The following BCAS3 variants were observed in gnomAD, a reference collection of about 807,000 sequenced individuals.
The protein encoded by BCAS3 is BCAS4/BCAS3 fusion.
In BCAS3, 53 loss-of-function variants were observed where a neutral mutation model predicts 116.1. The observed-to-expected ratio is 0.46, with a 90% confidence interval of 0.37 to 0.57. The LOEUF (loss-of-function observed/expected upper bound fraction) is 0.57, where lower values mean the gene tolerates loss of function less well. Among genes scored for constraint, BCAS3 ranks in the 20% least tolerant of loss-of-function variants. The pLI is 0.00. For missense variants in BCAS3, 917 were observed against 1,165.4 expected, an observed-to-expected ratio of 0.79 and a Z score of 3.10; for synonymous variants, 391 against 408.2, an observed-to-expected ratio of 0.96 and a Z score of 0.51.
intron 6 of BCAS3, among the ~76,000 whole-genome samples, chr17:60,776,449 G>T (rs535378856): frequency 1.3e-5 from 2 of 152,084 alleles, no homozygotes; most frequent in African/African-American, 2.4e-5. Flanking sequence ...GGCTGTGCGC[G>T]GTGGCTCACG....
chr17:61,289,238 G>T (rs1190750225), intron 22 of BCAS3, among the ~76,000 whole-genome samples: 1 of 152,244 alleles, frequency 6.6e-6, no homozygotes, highest in East Asian at 1.9e-4. Flanking sequence ...GAGTGGCGGG[G>T]TGTGGTGGGG....
intron 4 of BCAS3, among the ~76,000 whole-genome samples, chr17:60,695,825 C>A (rs2035520433): frequency 6.6e-6 from 1 of 152,124 alleles, no homozygotes; most frequent in African/African-American, 2.4e-5. Flanking sequence ...TCTTGAACTA[C>A]TGGCCTCAAG....
intron 5 of BCAS3, among the ~76,000 whole-genome samples, chr17:60,746,521 C>T (rs926255902): frequency 6.6e-6 from 1 of 152,036 alleles, no homozygotes; most frequent in African/African-American, 2.4e-5. Flanking sequence ...CTTGGATATT[C>T]ATAATGTTTG....
At position 61,354,293 on chromosome 17, in the gene BCAS3, A is replaced by G. The variant is rs1447564026; in HGVS notation, c.2426-14034A>G. 2 of 152,242 alleles carry G rather than the reference A, an allele frequency of 1.3e-5. No individual in the cohort carries two copies. The highest frequency in any genetic ancestry group is 4.8e-5 in the African/African-American group (2 of 41,460). 9.4% of individuals were successfully genotyped at this position (152,242 alleles called of 1,614,324 possible). A position where few individuals can be genotyped will look rare whatever the true frequency, so the allele number is the denominator to read the frequency against. ...TCCCACAACCAAAAGGAAAGAGAGA[A>G]TTATGAGAAAAATATGTACTTATTC... On this transcript the variant is annotated intron_variant, in intron 22 of 23. Transcript: ENST00000407086. This position sits in a 1 kb window ranked among gnomAD's most constrained non-coding sequence, Gnocchi z 4.5.
At position 60,767,412 on chromosome 17, in the gene BCAS3, T is replaced by A. The variant is rs528074303; in HGVS notation, c.403+20133T>A. 1.5e-3 allele frequency among the ~76,000 whole-genome samples: 223 copies of A among 144,980 alleles called. 1 individual carries two copies. Among genetic ancestry groups the A allele is most frequent in the African/African-American group, 4.1e-3 (159 of 38,350 alleles). On this transcript the variant is annotated intron_variant, in intron 6 of 23. Transcript: ENST00000407086. ...CAGGCTGGAGTGCAGTGGCGTGATC[T>A]CGGCTCACTGCAACCTCTGCCTCCC...
intron 4 of BCAS3, among the ~76,000 whole-genome samples, chr17:60,701,806 A>T (rs1345092614): frequency 8.8e-6 from 1 of 113,352 alleles, no homozygotes; most frequent in African/African-American, 4.4e-5. Flanking sequence ...CTAAAAATAC[A>T]AAAAAAAAAA....
chr17:60,807,692 GA>G (rs2048405702), intron 6 of BCAS3, among the ~76,000 whole-genome samples: 2 of 151,458 alleles, frequency 1.3e-5, no homozygotes, highest in Non-Finnish European at 2.9e-5. Context: ...TGAGGCAGGA[GA>G]ATTGTTTGAA....
intron 23 of BCAS3, among the ~76,000 whole-genome samples, chr17:61,386,010 C>A (rs2059828654): frequency 2.0e-5 from 3 of 152,152 alleles, no homozygotes; most frequent in Admixed American, 6.5e-5. Flanking sequence ...ACCCTGTAGT[C>A]CTGTGGATCA....
intron 6 of BCAS3, among the ~76,000 whole-genome samples, chr17:60,795,981 C>T (rs1430593198): frequency 6.6e-6 from 1 of 152,152 alleles, no homozygotes; most frequent in Non-Finnish European, 1.5e-5. Flanking sequence ...TGAGCCACCA[C>T]TCCCTGCCGT....
At chr17:61,142,053 AT>A (rs2076952233) in intron 22 of BCAS3, among the ~76,000 whole-genome samples, 1 of 150,848 alleles carries the variant, frequency 6.6e-6, no homozygotes, top group Non-Finnish European at 1.5e-5. Flanking sequence ...ACACCTTCTC[AT>A]TTATTGGTGT....
At position 61,285,723 on chromosome 17, in the gene BCAS3, A is replaced by C. The variant is rs1452255089; in HGVS notation, c.2426-82604A>C. Among the ~76,000 whole-genome samples the C allele has an allele frequency of 6.6e-6, 1 of 152,188 alleles. No homozygotes were observed. ...ACTGAAGTACTGTGGGTGGCCGATAAGGCTTGTTTATCCAGGAGACAAGAG... is the reference window on the plus strand; with the variant it reads ...ACTGAAGTACTGTGGGTGGCCGATACGGCTTGTTTATCCAGGAGACAAGAG... On this transcript the variant is annotated intron_variant, in intron 22 of 23. Coordinates refer to ENST00000407086, the MANE Select transcript of BCAS3 (RefSeq NM_017679.5). This position sits in a 1 kb window ranked among gnomAD's most constrained non-coding sequence, Gnocchi z 5.4.
rs1808321855 is a variant in BCAS3 at position 61,227,438 on chromosome 17, T to A, written c.2426-140889T>A. On this transcript the variant is annotated intron_variant, in intron 22 of 23. Transcript: ENST00000407086. The surrounding 1 kb of genome is among the most constrained non-coding windows in gnomAD (Gnocchi z 6.1). ...TGTCCCTAAGACCAGAAATTATAATTAAGAACAGAGGAACTCTAGGGACTG... is the reference window on the plus strand; with the variant it reads ...TGTCCCTAAGACCAGAAATTATAATAAAGAACAGAGGAACTCTAGGGACTG... 6.6e-6 allele frequency among the ~76,000 whole-genome samples: 1 copy of A among 152,160 alleles called. No individual in the cohort carries two copies. The highest frequency in any genetic ancestry group is 2.1e-4 in the South Asian group (1 of 4,838).
intron 7 of BCAS3, among the ~76,000 whole-genome samples, chr17:60,864,972 G>A (rs72843588): frequency 0.018 from 2,678 of 152,210 alleles, 30 homozygotes; most frequent in Non-Finnish European, 0.02. Flanking sequence ...TAAATTTACC[G>A]TCTTCTATGG....
rs34671111 is a variant in BCAS3, at chr17:60,973,586, AAT to A, written c.1222-16364_1222-16363del. Among the ~76,000 whole-genome samples the A allele has an allele frequency of 8.5e-3, 1,168 of 137,656 alleles. 25 individuals carry two copies. Among genetic ancestry groups the A allele is most frequent in the African/African-American group, 0.024 (850 of 34,938 alleles). 90.3% of individuals were successfully genotyped at this position (137,656 alleles called of 152,430 possible). A position where few individuals can be genotyped will look rare whatever the true frequency, so the allele number is the denominator to read the frequency against. ...TAGACATTGCTATTACCTTATTATT[AAT>A]ATATATATATATATATATATGTATG... On this transcript the variant is annotated intron_variant, in intron 14 of 23. Transcript: ENST00000407086.
At chr17:60,966,363 T>G (rs2061660612) in intron 14 of BCAS3, among the ~76,000 whole-genome samples, 1 of 152,216 alleles carries the variant, frequency 6.6e-6, no homozygotes, top group Non-Finnish European at 1.5e-5. Flanking sequence ...ACTACTGCCA[T>G]TCTTTTGCTA....
chr17:60,728,698 T>G lies in BCAS3; in HGVS notation c.322-18500T>G, dbSNP rs56139178. Among the ~76,000 whole-genome samples, 283 of 152,130 alleles carry G rather than the reference T, an allele frequency of 1.9e-3. 2 individuals are homozygous for G. Among genetic ancestry groups the G allele is most frequent in the Non-Finnish European group, 3.5e-3 (238 of 67,980 alleles). ...TTTCACCATGTTGGTCAGGCTGGTC[T>G]CGGACTCCTGACCTCAAGCAATCTA... On this transcript the variant is annotated intron_variant, in intron 5 of 23. Coordinates refer to ENST00000407086, the MANE Select transcript of BCAS3 (RefSeq NM_017679.5).
chr17:60,714,460 T>G (rs1166782222), intron 5 of BCAS3, among the ~76,000 whole-genome samples: 1 of 152,108 alleles, frequency 6.6e-6, no homozygotes, highest in Non-Finnish European at 1.5e-5. Context: ...GGTCAAGAGT[T>G]TGAGACCATC....
chr17:60,924,512 CTCTG>C lies in BCAS3; in HGVS notation c.1087+16_1087+19del, dbSNP rs761597119. The C allele has an allele frequency of 6.1e-5, 88 of 1,442,450 alleles. No homozygotes were observed. The East Asian group carries it at 9.7e-4, about 16-fold the overall frequency. The allele number at this position is 1,442,450 out of a possible 1,614,324, so 89.4% of individuals were successfully genotyped here. Reference sequence around the variant, plus strand: ...TTTTAATACAAGTGGTAAGTTCGCTCTCTGTCTTTTTTTTTTTTTTTTTTGTAGA... The same window carrying C: ...TTTTAATACAAGTGGTAAGTTCGCTCTCTTTTTTTTTTTTTTTTTTGTAGA... On this transcript the variant is annotated intron_variant, in intron 13 of 23. Coordinates refer to ENST00000407086, the MANE Select transcript of BCAS3 (RefSeq NM_017679.5).
intron 2 of BCAS3, among the ~76,000 whole-genome samples, chr17:60,679,954 C>T (rs550771350): frequency 2.0e-5 from 3 of 151,794 alleles, no homozygotes; most frequent in Admixed American, 6.6e-5. Flanking sequence ...CTGGCTAAAA[C>T]GGTGAAACCC....
Sources: gnomAD v4.1 joint callset for allele counts (sites outside exome capture counted in the v4.1 genomes callset) on GRCh38, gnomAD v4.1.1 for gene constraint, Gnocchi (gnomAD v3.1) non-coding constraint, MANE v1.5 for transcripts, NCBI Gene and HGNC (gene_info 2026-07-23, HGNC 2026-07-21) for gene names.